BDP1: variants seen among roughly 807,000 people sequenced by gnomAD.
BDP1 encodes the protein transcription factor TFIIIB component B'' homolog.
BDP1 carries 169 observed loss-of-function variants against 266.6 expected under a neutral mutation model. The ratio of observed to expected loss-of-function variants is 0.63; its 90% confidence interval spans 0.56 to 0.72. The LOEUF is 0.72. Ranked by LOEUF, BDP1 falls within the 30% of genes least tolerant of loss-of-function variation. BDP1 has a pLI of 0.00. For missense variants in BDP1, 3,015 were observed against 3,053.8 expected (o/e 0.99, Z 0.30); for synonymous variants, 1,090 against 1,022.4 (o/e 1.07, Z -1.26).
chr5:71,506,758 T>TCA (rs1449143107), intron 16 of BDP1, among the ~76,000 whole-genome samples: 5 of 135,854 alleles, frequency 3.7e-5, no homozygotes, highest in Non-Finnish European at 7.7e-5. Flanking sequence ...GTTTGGAGGT[T>TCA]TATATATATA....
rs1743294384 is a variant in BDP1, at chr5:71,557,356, G to A, written c.7240+431G>A. 2.8e-5 allele frequency among the ~76,000 whole-genome samples: 4 copies of A among 145,044 alleles called. No homozygotes were observed. In the South Asian group the frequency reaches 8.8e-4, roughly 32 times the overall value. ...CCTAACTAGCTGGGACTACAGGCAT[G>A]CGCCACTATGCCAAGCTAATTTTTT... On this transcript the variant is annotated intron_variant, in intron 36 of 38. Coordinates refer to ENST00000358731, the MANE Select transcript of BDP1 (RefSeq NM_018429.3).
chr5:71,503,106 G>A (rs1489737363), intron 15 of BDP1, among the ~76,000 whole-genome samples: 2 of 150,528 alleles, frequency 1.3e-5, no homozygotes, highest in Non-Finnish European at 3.0e-5. Context: ...TAATGTTTTT[G>A]TATTTTTAGT....
Position 71,514,980 on chromosome 5 carries a change from A to G in BDP1, c.4507A>G (p.Thr1503Ala), listed in dbSNP as rs1368940464. The G allele has an allele frequency of 2.5e-6, 4 of 1,609,348 alleles. No homozygotes were observed. The highest frequency in any genetic ancestry group is 2.2e-5 in the East Asian group (1 of 44,758). ...ASLMISREKD[T>A]LGHRNEEAVI... Reference sequence around the variant, plus strand: ...CCTAATGATATCAAGAGAAAAAGACACATTAGGTCACAGGAATGAGGAGGC... The same window carrying G: ...CCTAATGATATCAAGAGAAAAAGACGCATTAGGTCACAGGAATGAGGAGGC... The change falls in exon 20 of 39, where the codon ACA (threonine) becomes GCA (alanine). Residue 1503 changes from threonine to alanine, a missense_variant. By Grantham distance (58) the Thr-to-Ala change is moderately conservative. Transcript: ENST00000358731.
At chr5:71,531,447 CT>C (rs1766240800) in intron 25 of BDP1, among the ~76,000 whole-genome samples, 1 of 151,938 alleles carries the variant, frequency 6.6e-6, no homozygotes, top group Non-Finnish European at 1.5e-5. Context: ...ATCGTGCAGG[CT>C]TTGGGGTTTT....
intron 2 of BDP1, among the ~76,000 whole-genome samples, chr5:71,461,039 G>A (rs532178801): frequency 1.3e-5 from 2 of 152,328 alleles, no homozygotes; most frequent in East Asian, 1.9e-4. Flanking sequence ...GAGTGCGCTA[G>A]TATAATTGCA....
intron 7 of BDP1, among the ~76,000 whole-genome samples, chr5:71,474,549 C>T (rs778369144): frequency 2.6e-5 from 4 of 151,958 alleles, no homozygotes; most frequent in Non-Finnish European, 5.9e-5. Context: ...TCAGGTGGGT[C>T]TCTGACTCCT....
Position 71,546,596 on chromosome 5 carries a change from C to T in BDP1, c.6744+1377C>T, listed in dbSNP as rs142943796. 2.3e-3 allele frequency among the ~76,000 whole-genome samples: 245 copies of T among 107,058 alleles called. 2 individuals are homozygous for T. Among genetic ancestry groups the T allele is most frequent in the African/African-American group, 8.5e-3 (230 of 27,178 alleles). The allele number at this position is 107,058 out of a possible 152,430, so 70.2% of individuals were successfully genotyped here. On this transcript the variant is annotated intron_variant, in intron 32 of 38. Transcript: ENST00000358731. ...TCGTGCCATTGTACTCCAGCCTGGGCGACAGAACAAGACTCTGTCTCAAAA... is the reference window on the plus strand; with the variant it reads ...TCGTGCCATTGTACTCCAGCCTGGGTGACAGAACAAGACTCTGTCTCAAAA...
Position 71,545,082 on chromosome 5 carries a change from TCAGTTGCTC to T in BDP1, c.6616_6624del (p.Pro2206_Ala2208del), listed in dbSNP as rs1561774743. 2.5e-6 allele frequency: 4 copies of T among 1,613,688 alleles called. No homozygotes were observed. The highest frequency in any genetic ancestry group is 2.2e-5 in the East Asian group (1 of 44,854). On this transcript the variant is annotated inframe_deletion, in exon 32 of 39. Transcript: ENST00000358731. ...GAGCTCTCAGGAGGTTCACATGTTG[TCAGTTGCTC>T]CAGTTGCTTCCTCTGAGACAGGGCC...
At chr5:71,544,311 A>T (rs776469950) in intron 30 of BDP1, 46 bp from the exon 31 acceptor site, 11 of 1,536,002 alleles carry the variant, frequency 7.2e-6, no homozygotes, top group Non-Finnish European at 9.7e-6. Flanking sequence ...CAGGGATTTT[A>T]GCTGTATTAT....
chr5:71,554,154 T>A (rs142842965), intron 35 of BDP1, among the ~76,000 whole-genome samples: 25 of 152,344 alleles, frequency 1.6e-4, no homozygotes, highest in African/African-American at 6.0e-4. Context: ...GCAAGTGTGC[T>A]TTTATATATT....
At chr5:71,552,268 C>G in intron 34 of BDP1, among the ~76,000 whole-genome samples, 1 of 147,004 alleles carries the variant, frequency 6.8e-6, no homozygotes, top group East Asian at 2.0e-4. Context: ...GATGGGCGGC[C>G]GGGCAGAGAC....
chr5:71,500,316 C>CTTTTTTTT (rs58201517), intron 13 of BDP1, among the ~76,000 whole-genome samples: 20 of 73,096 alleles, frequency 2.7e-4, no homozygotes, highest in South Asian at 5.8e-4. Context: ...AATCTTGTTT[C>CTTTTTTTT]TTTTTTTTTT....
rs563343438 is a variant in BDP1, at chr5:71,552,063, C to T, written c.6996-1053C>T. Reference sequence around the variant, plus strand: ...GCGGAGACGCTCCTCACTTCCCAGACGGGGTGGCTGCCGGTAGGAGGGGCT... The same window carrying T: ...GCGGAGACGCTCCTCACTTCCCAGATGGGGTGGCTGCCGGTAGGAGGGGCT... On this transcript the variant is annotated intron_variant, in intron 34 of 38. Coordinates refer to ENST00000358731, the MANE Select transcript of BDP1 (RefSeq NM_018429.3). 9.3e-5 allele frequency among the ~76,000 whole-genome samples: 14 copies of T among 150,500 alleles called. No individual in the cohort carries two copies. The East Asian group carries it at 1.2e-3, about 13-fold the overall frequency.
At chr5:71,562,131 G>A in intron 37 of BDP1, 143 bp from the exon 38 acceptor site, 1 of 635,960 alleles carries the variant, frequency 1.6e-6, no homozygotes, top group Non-Finnish European at 2.5e-6. Flanking sequence ...CTGGGAGGTG[G>A]AGGTTGCAGT....
At chr5:71,562,230 GTC>G in intron 37 of BDP1, 42 bp from the exon 38 acceptor site, 1 of 606,918 alleles carries the variant, frequency 1.6e-6, no homozygotes, top group Non-Finnish European at 2.7e-6. Flanking sequence ...AAAAGAATGT[GTC>G]TTCCTGGGTA....
At chr5:71,476,688 C>T (rs1341542795) in intron 7 of BDP1, among the ~76,000 whole-genome samples, 2 of 151,874 alleles carry the variant, frequency 1.3e-5, no homozygotes, top group Non-Finnish European at 2.9e-5. Context: ...ATTACAGGCG[C>T]GTGCCACCAC....
At chr5:71,535,947 A>T (rs1766572715) in intron 26 of BDP1, among the ~76,000 whole-genome samples, 1 of 152,164 alleles carries the variant, frequency 6.6e-6, no homozygotes, top group African/African-American at 2.4e-5. Context: ...ATAATGTCAT[A>T]TTCACATTAT....
chr5:71,466,041 T>A, intron 4 of BDP1, 55 bp from the exon 5 acceptor site: 1 of 1,565,002 alleles, frequency 6.4e-7, no homozygotes, highest in East Asian at 2.3e-5. Context: ...AGTTTTATAC[T>A]ATTTAGGCAC....
At chr5:71,525,725 A>G (rs555370010) in intron 25 of BDP1, among the ~76,000 whole-genome samples, 303 of 106,138 alleles carry the variant, frequency 2.9e-3, no homozygotes, top group African/African-American at 8.0e-3. Context: ...GCGGCTGGCC[A>G]GGCGGGGGGC....
Sources: gnomAD v4.1 joint callset for allele counts (sites outside exome capture counted in the v4.1 genomes callset) on GRCh38, gnomAD v4.1.1 for gene constraint, MANE v1.5 for transcripts, NCBI Gene and HGNC (gene_info 2026-07-23, HGNC 2026-07-21) for gene names.